Variants in NRCAM observed in about 807,000 individuals in gnomAD.
NRCAM encodes the protein neuronal cell adhesion molecule.
A neutral mutation model predicts 156.5 loss-of-function variants in NRCAM; 83 were observed. The ratio of observed to expected loss-of-function variants is 0.53; its 90% CI spans 0.44 to 0.64. The LOEUF is 0.64. Ranked by LOEUF, NRCAM falls within the 30% of genes least tolerant of loss-of-function variation. NRCAM has a pLI of 0.00. For synonymous variants in NRCAM, 538 were observed against 563.9 expected (o/e 0.95, Z 0.65); for missense variants, 1,417 against 1,597.3 (o/e 0.89, Z 1.92).
At chr7:108,265,017 TC>T (rs1214627756) in intron 3 of NRCAM, among the ~76,000 whole-genome samples, 1 of 152,158 alleles carries the variant, frequency 6.6e-6, no homozygotes, top group Non-Finnish European at 1.5e-5. Context: ...CATCAAGTGC[TC>T]CCAGGGGCAA....
At chr7:108,159,413 C>T (rs1198904415) in intron 32 of NRCAM, 50 bp downstream of exon 32, 2 of 1,487,078 alleles carry the variant, frequency 1.3e-6, no homozygotes, top group Non-Finnish European at 1.9e-6. Flanking sequence ...ATTCTCGGGA[C>T]TGTGTTCATG....
At chr7:108,211,981 C>T (rs866160756) in intron 11 of NRCAM, among the ~76,000 whole-genome samples, 1 of 152,224 alleles carries the variant, frequency 6.6e-6, no homozygotes, top group African/African-American at 2.4e-5. Context: ...CCTAAGAACC[C>T]TCACAGAGTC....
intron 2 of NRCAM, among the ~76,000 whole-genome samples, chr7:108,340,396 G>A (rs2099262410): frequency 6.6e-6 from 1 of 152,094 alleles, no homozygotes; most frequent in African/African-American, 2.4e-5. Flanking sequence ...ATGTTTACAA[G>A]GGTTAGGACA....
At chr7:108,430,766 A>G (rs1824016175) in intron 1 of NRCAM, among the ~76,000 whole-genome samples, 1 of 152,016 alleles carries the variant, frequency 6.6e-6, no homozygotes. Flanking sequence ...CAAACTTCTA[A>G]TTATTTTCCA....
rs1448554032 is a variant in NRCAM, at chr7:108,223,716, T to A, written c.890+9A>T. ...GAAATGTACTTCAGGACAGAAAGTG[T>A]TAACTCACAGTCCTTCTGCAATGCA... On this transcript the variant is annotated intron_variant, in intron 11 of 32. Transcript: ENST00000379028. 3.7e-6 allele frequency: 5 copies of A among 1,365,350 alleles called. No individual in the cohort carries two copies. Among genetic ancestry groups the A allele is most frequent in the South Asian group, 3.5e-5 (3 of 85,230 alleles). 84.6% of individuals were successfully genotyped at this position (1,365,350 alleles called of 1,614,324 possible). A position where few individuals can be genotyped will look rare whatever the true frequency, so the allele number is the denominator to read the frequency against.
At chr7:108,427,980 C>T (rs1342723259) in intron 1 of NRCAM, among the ~76,000 whole-genome samples, 1 of 152,142 alleles carries the variant, frequency 6.6e-6, no homozygotes, top group East Asian at 1.9e-4. Context: ...GTTGCCAGAG[C>T]TTAGATCCAT....
chr7:108,395,717 G>A (rs12669879), intron 2 of NRCAM, among the ~76,000 whole-genome samples: 37,498 of 152,030 alleles, frequency 0.25, 4,912 homozygotes, highest in Non-Finnish European at 0.28. Flanking sequence ...ATACTTCTAA[G>A]TGGCAACTCC....
At chr7:108,382,962 T>C (rs1240413424) in intron 2 of NRCAM, among the ~76,000 whole-genome samples, 1 of 152,214 alleles carries the variant, frequency 6.6e-6, no homozygotes, top group East Asian at 1.9e-4. Flanking sequence ...TAACTTTCCC[T>C]AAGCTTCAGT....
At chr7:108,252,014 A>C (rs2096380635) in intron 3 of NRCAM, among the ~76,000 whole-genome samples, 1 of 152,198 alleles carries the variant, frequency 6.6e-6, no homozygotes, top group Admixed American at 6.5e-5. Context: ...TTACAAATGA[A>C]AGGATTGGGT....
chr7:108,398,615 C>G lies in NRCAM; in HGVS notation c.-174+821G>C, dbSNP rs140196850. 2.0e-5 allele frequency among the ~76,000 whole-genome samples: 3 copies of G among 152,278 alleles called. No individual in the cohort carries two copies. In the East Asian group the frequency reaches 5.8e-4, roughly 29 times the overall value. Reference sequence around the variant, plus strand: ...CTGCTCCTACCTGCAATGCCCTTGTCCACCCTACCCTGCTCTTTACCTAAC... The same window carrying G: ...CTGCTCCTACCTGCAATGCCCTTGTGCACCCTACCCTGCTCTTTACCTAAC... On this transcript the variant is annotated intron_variant, in intron 2 of 32. Transcript: ENST00000379028.
At chr7:108,170,837 A>C (rs1422174802) in intron 28 of NRCAM, among the ~76,000 whole-genome samples, 1 of 151,812 alleles carries the variant, frequency 6.6e-6, no homozygotes. Flanking sequence ...AGTGGTTGCC[A>C]GGGGCTAGAG....
intron 3 of NRCAM, among the ~76,000 whole-genome samples, chr7:108,296,074 G>A (rs2098448940): frequency 6.6e-6 from 1 of 152,226 alleles, no homozygotes; most frequent in South Asian, 2.1e-4. Context: ...AGTTATAGAT[G>A]GAAGTCAGAC....
intron 2 of NRCAM, among the ~76,000 whole-genome samples, chr7:108,352,554 A>C (rs1224099013): frequency 6.6e-6 from 1 of 152,228 alleles, no homozygotes; most frequent in Admixed American, 6.5e-5. Context: ...TGGAGGAAAA[A>C]GATTTTTTCA....
intron 1 of NRCAM, among the ~76,000 whole-genome samples, chr7:108,406,286 G>A (rs759421567): frequency 6.6e-6 from 1 of 152,200 alleles, no homozygotes; most frequent in Non-Finnish European, 1.5e-5. Flanking sequence ...TTTTAGGCCA[G>A]AGGAGATTTG....
In NRCAM at chr7:108,207,323, C is replaced by T. The variant is rs538481000; in HGVS notation, c.1207+205G>A. ...ATTGCCAAGTACCAGTCATCACATG[C>T]CATTATGTTAACAGCATAAACTATT... On this transcript the variant is annotated intron_variant, in intron 13 of 32. Coordinates refer to ENST00000379028, the MANE Select transcript of NRCAM (RefSeq NM_001037132.4). The T allele has an allele frequency of 4.3e-3, 1,785 of 417,098 alleles. 12 individuals carry two copies. Among genetic ancestry groups the T allele is most frequent in the Non-Finnish European group, 6.3e-3 (1,495 of 237,882 alleles). The allele number at this position is 417,098 out of a possible 1,614,324, so 25.8% of individuals were successfully genotyped here. A position where few individuals can be genotyped will look rare whatever the true frequency, so the allele number is the denominator to read the frequency against.
intron 19 of NRCAM, among the ~76,000 whole-genome samples, chr7:108,190,459 G>C (rs574139021): frequency 1.3e-5 from 2 of 152,256 alleles, no homozygotes; most frequent in South Asian, 4.2e-4. Context: ...GGGGACCAGA[G>C]ACCATACAAA....
intron 2 of NRCAM, among the ~76,000 whole-genome samples, chr7:108,350,216 T>C (rs1295537102): frequency 2.0e-5 from 3 of 152,208 alleles, no homozygotes; most frequent in Non-Finnish European, 2.9e-5. Context: ...ATAACCTTAC[T>C]CTGGTGTTTA....
chr7:108,416,806 C>T (rs1802166045), intron 1 of NRCAM, among the ~76,000 whole-genome samples: 1 of 152,160 alleles, frequency 6.6e-6, no homozygotes, highest in Non-Finnish European at 1.5e-5. Context: ...TTACTATTGC[C>T]ATTCATAATT....
At chr7:108,237,981 T>C (rs2095243933) in intron 4 of NRCAM, among the ~76,000 whole-genome samples, 1 of 152,204 alleles carries the variant, frequency 6.6e-6, no homozygotes. Flanking sequence ...GCAGCAGCTT[T>C]CCCACATAAA....
Sources: gnomAD v4.1 joint callset for allele counts (sites outside exome capture counted in the v4.1 genomes callset) on GRCh38, gnomAD v4.1.1 for gene constraint, MANE v1.5 for transcripts, NCBI Gene and HGNC (gene_info 2026-07-23, HGNC 2026-07-21) for gene names.